Variants in PATJ observed in about 807,000 individuals in gnomAD.
PATJ encodes inaD-like protein.
A neutral mutation model predicts 224.9 loss-of-function variants in PATJ; 190 were observed. The observed-to-expected ratio is 0.84, with a 90% CI of 0.75 to 0.95. The LOEUF is 0.95. PATJ is among the 40% of genes least tolerant of loss of function. The probability of loss-of-function intolerance (pLI) is 0.00; values close to 1 mark genes in which losing one functional copy is unlikely to be tolerated. For missense variants in PATJ, 2,121 were observed against 2,270.3 expected, an observed-to-expected ratio of 0.93 and a Z score of 1.34; for synonymous variants, 769 against 820.3, an observed-to-expected ratio of 0.94 and a Z score of 1.07.
intron 17 of PATJ, among the ~76,000 whole-genome samples, chr1:61,839,140 A>G (rs1038282517): frequency 6.6e-6 from 1 of 151,938 alleles, no homozygotes; most frequent in Admixed American, 6.6e-5. Context: ...CGACTCCTCC[A>G]CCAGGTCTAT....
chr1:61,814,044 T>A (rs767776034), intron 14 of PATJ, among the ~76,000 whole-genome samples: 11 of 151,978 alleles, frequency 7.2e-5, no homozygotes, highest in Admixed American at 1.3e-4. Context: ...TAATTGAAAT[T>A]TGGTTGTGGC....
At chr1:61,915,690 T>C (rs1444541043) in intron 26 of PATJ, among the ~76,000 whole-genome samples, 7 of 150,932 alleles carry the variant, frequency 4.6e-5, no homozygotes, top group Non-Finnish European at 1.0e-4. Context: ...AATTTTCTTT[T>C]CTTTCTTTTT....
chr1:62,148,011 C>T (rs897893658), intron 41 of PATJ, among the ~76,000 whole-genome samples: 5 of 147,838 alleles, frequency 3.4e-5, no homozygotes, highest in East Asian at 2.0e-4. Flanking sequence ...GTCCCAGCTA[C>T]GTGGGAGGCT....
chr1:61,838,561 G>A (rs1320619996), intron 17 of PATJ, among the ~76,000 whole-genome samples: 9 of 141,002 alleles, frequency 6.4e-5, no homozygotes, highest in East Asian at 2.0e-4. Context: ...TAGTAGAGAC[G>A]GGGTTTCACC....
At chr1:61,871,395 A>AGATATGTG (rs1666361162) in intron 20 of PATJ, among the ~76,000 whole-genome samples, 1 of 116,030 alleles carries the variant, frequency 8.6e-6, no homozygotes, top group Non-Finnish European at 1.7e-5. Flanking sequence ...GTGTATATAT[A>AGATATGTG]TATATGTGTA....
At chr1:61,888,722 C>T (rs577175357) in intron 22 of PATJ, among the ~76,000 whole-genome samples, 1 of 152,342 alleles carries the variant, frequency 6.6e-6, no homozygotes, top group East Asian at 1.9e-4. Flanking sequence ...TCCACCCCTC[C>T]TTTCTTGGAC....
intron 14 of PATJ, among the ~76,000 whole-genome samples, chr1:61,812,071 C>T (rs1218999579): frequency 6.6e-6 from 1 of 150,756 alleles, no homozygotes; most frequent in African/African-American, 2.5e-5. Flanking sequence ...AAAAAAAAAA[C>T]ACTATATTTT....
chr1:61,997,108 T>C (rs35702885), intron 28 of PATJ, among the ~76,000 whole-genome samples: 22,236 of 152,160 alleles, frequency 0.15, 2,001 homozygotes, highest in Non-Finnish European at 0.21. Flanking sequence ...GTAGCTATGG[T>C]TTCACTAATA....
chr1:62,149,091 G>A (rs1668363666), intron 42 of PATJ, among the ~76,000 whole-genome samples: 1 of 145,664 alleles, frequency 6.9e-6, no homozygotes, highest in Non-Finnish European at 1.5e-5. Context: ...TTGCACTACT[G>A]CACTCCAGCC....
At chr1:61,821,042 T>C (rs1657153593) in intron 14 of PATJ, among the ~76,000 whole-genome samples, 1 of 148,900 alleles carries the variant, frequency 6.7e-6, no homozygotes, top group African/African-American at 2.5e-5. Context: ...GGAAAAACTA[T>C]CTTTTTTTTT....
At chr1:61,869,246 A>G (rs541966754) in intron 20 of PATJ, among the ~76,000 whole-genome samples, 17 of 149,260 alleles carry the variant, frequency 1.1e-4, no homozygotes, top group Non-Finnish European at 1.5e-4. Flanking sequence ...AGCTGGGACT[A>G]CAGGCGCCCG....
chr1:62,088,915 T>C (rs991839853), intron 33 of PATJ, among the ~76,000 whole-genome samples: 2 of 150,130 alleles, frequency 1.3e-5, no homozygotes, highest in African/African-American at 4.9e-5. Flanking sequence ...ACCCTGAACA[T>C]TGGGTGATGG....
At chr1:61,796,742 T>A (rs1651362039) in intron 10 of PATJ, among the ~76,000 whole-genome samples, 1 of 34,822 alleles carries the variant, frequency 2.9e-5, no homozygotes, top group Non-Finnish European at 5.5e-5. Flanking sequence ...CTTTCTTTCT[T>A]TTTTTTCTTC....
intron 21 of PATJ, among the ~76,000 whole-genome samples, chr1:61,876,475 C>T (rs1667347969): frequency 1.3e-5 from 2 of 152,030 alleles, no homozygotes; most frequent in African/African-American, 4.8e-5. Flanking sequence ...AATAAATAGA[C>T]CATATCTGTT....
chr1:61,935,767 G>T (rs1380023107), intron 27 of PATJ, among the ~76,000 whole-genome samples: 1 of 151,840 alleles, frequency 6.6e-6, no homozygotes, highest in Non-Finnish European at 1.5e-5. Flanking sequence ...CTCCAGCCTG[G>T]GCAACAGAGT....
intron 33 of PATJ, among the ~76,000 whole-genome samples, chr1:62,088,203 T>G (rs1660274233): frequency 6.6e-6 from 1 of 152,186 alleles, no homozygotes; most frequent in South Asian, 2.1e-4. Context: ...TTCTTTGTAA[T>G]TTTATGTCAT....
intron 28 of PATJ, among the ~76,000 whole-genome samples, chr1:61,997,990 G>T (rs1360553): frequency 0.047 from 5,805 of 124,098 alleles, 491 homozygotes; most frequent in African/African-American, 0.12. Flanking sequence ...GCTTATATAT[G>T]TATATATAAT....
At chr1:61,886,333 C>T (rs1668830625) in intron 22 of PATJ, among the ~76,000 whole-genome samples, 1 of 152,088 alleles carries the variant, frequency 6.6e-6, no homozygotes, top group African/African-American at 2.4e-5. Context: ...CAAAAGTGTC[C>T]TCACAGGCTA....
At chr1:61,961,198 G>A (rs1366058445) in intron 27 of PATJ, among the ~76,000 whole-genome samples, 1 of 152,146 alleles carries the variant, frequency 6.6e-6, no homozygotes, top group African/African-American at 2.4e-5. Flanking sequence ...AAAGAAAAAA[G>A]GAATGCCTTT....
Sources: allele counts gnomAD v4.1 joint callset (sites outside exome capture counted in the v4.1 genomes callset), GRCh38; gene constraint gnomAD v4.1.1; transcripts MANE v1.5; gene names NCBI Gene and HGNC (gene_info 2026-07-23, HGNC 2026-07-21).